The following FSTL4 variants were observed in gnomAD, a reference collection of about 807,000 sequenced individuals.
FSTL4 encodes the protein follistatin-related protein 4.
A neutral mutation model predicts 78.2 loss-of-function variants in FSTL4; 28 were observed. The observed-to-expected ratio is 0.36, with a 90% CI of 0.27 to 0.49. FSTL4 has a LOEUF of 0.49. Among genes scored for constraint, FSTL4 ranks in the 20% least tolerant of loss-of-function variants. The pLI, the probability that FSTL4 is intolerant of heterozygous loss-of-function variation, is 0.98. For missense variants in FSTL4, 922 were observed against 1,084.9 expected (o/e 0.85, Z 2.11); for synonymous variants, 422 against 440.5 (o/e 0.96, Z 0.53).
chr5:133,299,211 G>C (rs1166524106), intron 6 of FSTL4, among the ~76,000 whole-genome samples: 7 of 152,134 alleles, frequency 4.6e-5, no homozygotes, highest in Non-Finnish European at 1.5e-5. Context: ...GCTGAGTCCG[G>C]CAAGATCAAT....
intron 3 of FSTL4, among the ~76,000 whole-genome samples, chr5:133,465,137 C>T (rs897600528): frequency 4.0e-4 from 61 of 152,286 alleles, no homozygotes; most frequent in African/African-American, 1.5e-3. Context: ...GGCAGTCCGG[C>T]CTGCTATCTT....
chr5:133,301,624 G>A (rs1446313406), intron 6 of FSTL4, among the ~76,000 whole-genome samples: 6 of 152,140 alleles, frequency 3.9e-5, no homozygotes, highest in Non-Finnish European at 7.3e-5. Context: ...ACCTGGATGC[G>A]TTTTGCAGTC....
chr5:133,657,775 G>GTTTTTTTTTTTTTTTT, the FSTL4 span, among the ~76,000 whole-genome samples: 2 of 133,696 alleles, frequency 1.5e-5, no homozygotes, highest in African/African-American at 2.8e-5. Flanking sequence ...TGTTTTTTTT[G>GTTTTTTTTTTTTTTTT]TTTTTTTTTT....
intron 4 of FSTL4, among the ~76,000 whole-genome samples, chr5:133,330,435 G>A (rs1754316986): frequency 6.6e-6 from 1 of 152,160 alleles, no homozygotes; most frequent in Admixed American, 6.5e-5. Context: ...GGGCAAGAGA[G>A]TGGGCAGAGA....
the FSTL4 span, among the ~76,000 whole-genome samples, chr5:133,742,043 G>A: frequency 6.6e-6 from 1 of 152,242 alleles, no homozygotes; most frequent in East Asian, 1.9e-4. Flanking sequence ...AGAGGGAAAT[G>A]CAAACGTGGC....
chr5:133,359,067 C>G (rs1401824946), intron 4 of FSTL4, among the ~76,000 whole-genome samples: 2 of 152,208 alleles, frequency 1.3e-5, no homozygotes, highest in Non-Finnish European at 2.9e-5. Context: ...GTTGGCATTT[C>G]TTTTGCCATT....
chr5:133,517,476 A>AC (rs1250978377), intron 3 of FSTL4, among the ~76,000 whole-genome samples: 110 of 10,880 alleles, frequency 0.01, 3 homozygotes, highest in African/African-American at 0.018. Flanking sequence ...ACACACACAC[A>AC]CACCACACAC....
intron 2 of FSTL4, among the ~76,000 whole-genome samples, chr5:133,568,935 T>C (rs1361710813): frequency 1.3e-5 from 2 of 152,248 alleles, no homozygotes; most frequent in African/African-American, 4.8e-5. Flanking sequence ...ATTTTAATAA[T>C]TGTTTGAGTC....
upstream of FSTL4, among the ~76,000 whole-genome samples, chr5:133,616,112 G>A (rs1761193589): frequency 6.6e-6 from 1 of 152,124 alleles, no homozygotes; most frequent in Non-Finnish European, 1.5e-5. Context: ...GGGATAATTG[G>A]GGATGAGATG....
chr5:133,511,554 T>G (rs1366347060), intron 3 of FSTL4, among the ~76,000 whole-genome samples: 1 of 152,150 alleles, frequency 6.6e-6, no homozygotes, highest in Non-Finnish European at 1.5e-5. Context: ...ACCCAAAGGC[T>G]GCAACTCCAA....
chr5:133,621,133 G>A, the FSTL4 span, among the ~76,000 whole-genome samples: 3 of 152,196 alleles, frequency 2.0e-5, no homozygotes, highest in East Asian at 1.9e-4. Flanking sequence ...GGGCTTGGTG[G>A]CTCATGCCTG....
At chr5:133,814,252 A>G in the FSTL4 span, among the ~76,000 whole-genome samples, 4 of 152,266 alleles carry the variant, frequency 2.6e-5, no homozygotes, top group East Asian at 7.7e-4. Flanking sequence ...GGGAGGAGAA[A>G]GGGAGGAACT....
At chr5:133,446,206 G>A (rs940936924) in intron 3 of FSTL4, among the ~76,000 whole-genome samples, 2 of 152,166 alleles carry the variant, frequency 1.3e-5, no homozygotes, top group African/African-American at 4.8e-5. Flanking sequence ...TTGGGAGGCC[G>A]AGGCAGGCAG....
chr5:133,627,867 C>T, the FSTL4 span, among the ~76,000 whole-genome samples: 1 of 151,344 alleles, frequency 6.6e-6, no homozygotes, highest in African/African-American at 2.4e-5. Context: ...AATATTTTTG[C>T]ATTATTTATA....
At chr5:133,622,750 T>C in the FSTL4 span, among the ~76,000 whole-genome samples, 3 of 152,196 alleles carry the variant, frequency 2.0e-5, no homozygotes, top group Non-Finnish European at 4.4e-5. Context: ...TCTAATTGCA[T>C]TGTTTGGTTC....
chr5:133,427,612 G>C (rs776029104), intron 3 of FSTL4: 1 of 526,304 alleles, frequency 1.9e-6, no homozygotes, highest in Admixed American at 1.9e-5. Flanking sequence ...GGCGATAGGG[G>C]TAAAAATGCA....
chr5:133,279,608 C>T (rs1752966088), intron 6 of FSTL4, among the ~76,000 whole-genome samples: 2 of 152,142 alleles, frequency 1.3e-5, no homozygotes, highest in Admixed American at 6.5e-5. Flanking sequence ...GTGGAAGCCA[C>T]AGGATCGGAG....
intron 6 of FSTL4, among the ~76,000 whole-genome samples, chr5:133,277,606 C>T (rs1334858846): frequency 6.6e-6 from 1 of 152,212 alleles, no homozygotes; most frequent in Non-Finnish European, 1.5e-5. Context: ...TATTCCCCAT[C>T]AGCTTCCTTC....
At chr5:133,331,858 C>T (rs73788058) in intron 4 of FSTL4, among the ~76,000 whole-genome samples, 3,501 of 152,252 alleles carry the variant, frequency 0.023, 124 homozygotes, top group African/African-American at 0.08. Flanking sequence ...CTCTCCTTCC[C>T]CGTCACCTGC....
Sources: gnomAD v4.1 joint callset for allele counts (sites outside exome capture counted in the v4.1 genomes callset) on GRCh38, gnomAD v4.1.1 for gene constraint, MANE v1.5 for transcripts, NCBI Gene and HGNC (gene_info 2026-07-23, HGNC 2026-07-21) for gene names.